LMX1A: variants seen among roughly 807,000 people sequenced by gnomAD.
The protein encoded by LMX1A is LIM homeobox transcription factor 1 alpha, also known as LIM homeobox transcription factor 1-alpha.
LMX1A carries 15 observed loss-of-function variants against 49.1 expected under a neutral mutation model. The observed-to-expected ratio is 0.31, with a 90% CI of 0.20 to 0.47. The LOEUF (loss-of-function observed/expected upper bound fraction) is 0.47, where lower values mean the gene tolerates loss of function less well. Among genes scored for constraint, LMX1A ranks in the 20% least tolerant of loss-of-function variants. LMX1A has a pLI of 1.00. For missense variants in LMX1A, 372 were observed against 475.8 expected, an observed-to-expected ratio of 0.78 and a Z score of 2.03; for synonymous variants, 167 against 185.7, an observed-to-expected ratio of 0.90 and a Z score of 0.82.
At chr1:165,307,687 C>G (rs1557879692) in intron 3 of LMX1A, among the ~76,000 whole-genome samples, 1 of 152,158 alleles carries the variant, frequency 6.6e-6, no homozygotes, top group East Asian at 1.9e-4. Flanking sequence ...GCAACTAACC[C>G]CTACCCACGT....
intron 3 of LMX1A, among the ~76,000 whole-genome samples, chr1:165,273,665 G>A (rs926297424): frequency 3.3e-5 from 5 of 152,082 alleles, no homozygotes; most frequent in South Asian, 2.1e-4. Flanking sequence ...TTTATGAAGC[G>A]TCCACTGTAT....
intron 2 of LMX1A, among the ~76,000 whole-genome samples, 176 bp from the exon 3 acceptor site, chr1:165,353,438 G>T (rs550288279): frequency 6.6e-6 from 1 of 152,068 alleles, no homozygotes; most frequent in African/African-American, 2.4e-5. Context: ...GCCAAGTGGC[G>T]TTTCTAATAA....
chr1:165,266,595 CTTTTTTTTT>C (rs61551654), intron 3 of LMX1A, among the ~76,000 whole-genome samples: 1 of 79,182 alleles, frequency 1.3e-5, no homozygotes, highest in Non-Finnish European at 2.2e-5. Flanking sequence ...TTCTTTCTTT[CTTTTTTTTT>C]TTTTTTTTTT....
chr1:165,204,072 T>C, intron 8 of LMX1A, 32 bp from the exon 9 acceptor site: 1 of 1,610,338 alleles, frequency 6.2e-7, no homozygotes, highest in Non-Finnish European at 8.5e-7. Context: ...GGCATGAGGG[T>C]CTTGAAGAAG....
rs1293178130 is a variant in LMX1A at position 165,246,532 on chromosome 1, G to T, written c.496+2876C>A. ...TCTTGAGTAGTTTTACTCTTTGTTA[G>T]ATCTAATAATTAGAACGACATTCTA... On this transcript the variant is annotated intron_variant, in intron 4 of 8. Transcript: ENST00000342310. Among the ~76,000 whole-genome samples the T allele has an allele frequency of 2.6e-5, 4 of 152,050 alleles. No individual in the cohort carries two copies. The East Asian group carries it at 5.8e-4, about 22-fold the overall frequency.
chr1:165,332,284 T>C (rs1655771095), intron 3 of LMX1A, among the ~76,000 whole-genome samples: 1 of 152,178 alleles, frequency 6.6e-6, no homozygotes, highest in South Asian at 2.1e-4. Context: ...TGGCTCTGAC[T>C]GTATCAATAA....
chr1:165,218,052 C>T (rs1220242514), intron 4 of LMX1A, among the ~76,000 whole-genome samples: 1 of 152,212 alleles, frequency 6.6e-6, no homozygotes, highest in Non-Finnish European at 1.5e-5. Context: ...CAACCACAGA[C>T]AATATGAATG....
intron 3 of LMX1A, among the ~76,000 whole-genome samples, chr1:165,337,538 T>C (rs1034427214): frequency 1.3e-5 from 2 of 152,188 alleles, no homozygotes; most frequent in Non-Finnish European, 2.9e-5. Flanking sequence ...ATGAGGTGCA[T>C]TGTCTCTTGC....
chr1:165,245,538 ACT>A (rs10528577), intron 4 of LMX1A, among the ~76,000 whole-genome samples: 99,925 of 151,058 alleles, frequency 0.66, 34,123 homozygotes, highest in African/African-American at 0.83. Context: ...CAAGCTAATT[ACT>A]CTCCTCAAGA....
At chr1:165,280,529 AT>A (rs1281177063) in intron 3 of LMX1A, among the ~76,000 whole-genome samples, 1 of 152,150 alleles carries the variant, frequency 6.6e-6, no homozygotes, top group Non-Finnish European at 1.5e-5. Flanking sequence ...TAGACTGTTT[AT>A]TTCTACAGTC....
At chr1:165,345,971 T>C (rs553502567) in intron 3 of LMX1A, among the ~76,000 whole-genome samples, 1 of 152,192 alleles carries the variant, frequency 6.6e-6, no homozygotes, top group Non-Finnish European at 1.5e-5. Flanking sequence ...TTAAGCAACA[T>C]CTGATGGATG....
intron 3 of LMX1A, among the ~76,000 whole-genome samples, chr1:165,348,663 A>C (rs537653121): frequency 6.6e-6 from 1 of 152,176 alleles, no homozygotes; most frequent in Non-Finnish European, 1.5e-5. Flanking sequence ...TTCATGAGTA[A>C]CTGCATGCCC....
rs1349515419 is a variant in LMX1A, at chr1:165,236,071, C to T, written c.496+13337G>A. Among the ~76,000 whole-genome samples the T allele has an allele frequency of 2.0e-5, 3 of 152,288 alleles. No individual in the cohort carries two copies. The East Asian group carries it at 5.8e-4, about 30-fold the overall frequency. The stretch of plus-strand genomic sequence containing the variant: ...AGACTGGCACCGACGCCGCCCCCAG[C>T]CTGAGCGCTGAGAGGGAAAACGAGA... On this transcript the variant is annotated intron_variant, in intron 4 of 8. Transcript: ENST00000342310.
In LMX1A at chr1:165,282,787, G is replaced by A. The variant is rs1023147646; in HGVS notation, c.264-33147C>T. Among the ~76,000 whole-genome samples the A allele has an allele frequency of 7.2e-5, 11 of 152,252 alleles. No homozygotes were observed. The East Asian group carries it at 1.9e-3, about 27-fold the overall frequency. On this transcript the variant is annotated intron_variant, in intron 3 of 8. Transcript: ENST00000342310. Reference sequence around the variant, plus strand: ...CCTTCTAGGCCTCCAAATCATGTACGGAGTTCCTGTACTTCTCACTATCTC... The same window carrying A: ...CCTTCTAGGCCTCCAAATCATGTACAGAGTTCCTGTACTTCTCACTATCTC...
chr1:165,321,313 G>A (rs1467798761), intron 3 of LMX1A, among the ~76,000 whole-genome samples: 6 of 152,090 alleles, frequency 3.9e-5, no homozygotes, highest in Admixed American at 1.3e-4. Flanking sequence ...TAAAATGATA[G>A]TGAAAATAGG....
chr1:165,242,704 A>G (rs1973548), intron 4 of LMX1A, among the ~76,000 whole-genome samples: 150,672 of 150,962 alleles, frequency 1, 75,191 homozygotes, highest in Middle Eastern at 1. Context: ...GTGAAACCCC[A>G]TCTCTACTAA....
At chr1:165,214,076 G>A (rs1402574830) in intron 4 of LMX1A, among the ~76,000 whole-genome samples, 1 of 152,234 alleles carries the variant, frequency 6.6e-6, no homozygotes, top group Non-Finnish European at 1.5e-5. Flanking sequence ...TTTACTAGTT[G>A]CGTGGCCTTG....
intron 3 of LMX1A, among the ~76,000 whole-genome samples, chr1:165,337,120 A>C (rs1655921415): frequency 1.3e-5 from 2 of 152,316 alleles, no homozygotes; most frequent in African/African-American, 4.8e-5. Flanking sequence ...GCTGTATCCC[A>C]AGTAACTGTA....
At chr1:165,223,463 G>T (rs1183237528) in intron 4 of LMX1A, among the ~76,000 whole-genome samples, 1 of 152,170 alleles carries the variant, frequency 6.6e-6, no homozygotes, top group Non-Finnish European at 1.5e-5. Flanking sequence ...GATCAAGAGA[G>T]CCTTTGCCTT....
Sources: gnomAD v4.1 joint callset for allele counts (sites outside exome capture counted in the v4.1 genomes callset) on GRCh38, gnomAD v4.1.1 for gene constraint, MANE v1.5 for transcripts, NCBI Gene and HGNC (gene_info 2026-07-23, HGNC 2026-07-21) for gene names.